The following ANKAR variants were observed in gnomAD, a reference collection of about 807,000 sequenced individuals.
ANKAR encodes the protein ankyrin and armadillo repeat-containing protein.
Under a neutral mutation model 146.2 loss-of-function variants are expected in ANKAR, and 136 were observed. The ratio of observed to expected loss-of-function variants is 0.93; its 90% CI spans 0.81 to 1.07. The LOEUF is 1.07. ANKAR is among the 50% of genes least tolerant of loss of function. The pLI, the probability that ANKAR is intolerant of heterozygous loss-of-function variation, is 0.00. For missense variants in ANKAR, 1,567 were observed against 1,679.9 expected (o/e 0.93, Z 1.18); for synonymous variants, 500 against 575.8 (o/e 0.87, Z 1.88).
At chr2:189,731,376 C>CTTTT (rs71023714) in intron 16 of ANKAR, among the ~76,000 whole-genome samples, 4 of 137,388 alleles carry the variant, frequency 2.9e-5, no homozygotes, top group African/African-American at 5.4e-5. Flanking sequence ...TTTCTTTTTT[C>CTTTT]TTTTTTTTTT....
Position 189,713,054 on chromosome 2 carries a change from C to T in ANKAR, c.2224+1901C>T, listed in dbSNP as rs187038366. ...TGAAGATCAAATTAATGAAATAAAG[C>T]GAGAAGTTTAGAGAAAAAAGAGTAA... is the stretch of plus-strand genomic sequence containing the variant. On this transcript the variant is annotated intron_variant, in intron 10 of 22. Transcript: ENST00000684021. 9.2e-4 allele frequency among the ~76,000 whole-genome samples: 138 copies of T among 150,802 alleles called. 2 individuals are homozygous for T. The highest frequency in any genetic ancestry group is 6.3e-3 in the Admixed American group (96 of 15,140).
chr2:189,716,168 A>G (rs944249075), intron 10 of ANKAR, among the ~76,000 whole-genome samples: 1 of 152,244 alleles, frequency 6.6e-6, no homozygotes, highest in Non-Finnish European at 1.5e-5. Context: ...TGCAGATGAC[A>G]TGATTGTATA....
Position 189,707,143 on chromosome 2 carries a change from GT to G in ANKAR, c.2117del (p.Val706GlufsTer13). 3 of 1,497,904 alleles carry G rather than the reference GT, an allele frequency of 2.0e-6. No homozygotes were observed. Among genetic ancestry groups the G allele is most frequent in the Non-Finnish European group, 1.8e-6 (2 of 1,113,984 alleles). The allele number at this position is 1,497,904 out of a possible 1,614,324, so 92.8% of individuals were successfully genotyped here. ...TGAACTCCCAGTGTGGAAAACTTTG[GT>G]AGGTGAGTATAATCTCTTTATAAAT... ...IPELPVWKTL[V>X]EMLQCESYKR... On this transcript the variant is annotated frameshift_variant and splice_region_variant, in exon 9 of 23. Transcript: ENST00000684021. LOFTEE classifies it high-confidence loss of function.
At chr2:189,686,257 A>G (rs373369605) in intron 2 of ANKAR, among the ~76,000 whole-genome samples, 2 of 152,242 alleles carry the variant, frequency 1.3e-5, no homozygotes, top group Non-Finnish European at 2.9e-5. Context: ...ATACATTGAC[A>G]TATCATTTAC....
intron 7 of ANKAR, among the ~76,000 whole-genome samples, chr2:189,700,873 T>G (rs186241775): frequency 3.3e-5 from 5 of 152,372 alleles, no homozygotes; most frequent in African/African-American, 1.2e-4. Flanking sequence ...CTCATTCTTT[T>G]TCATGGCTGA....
chr2:189,742,816 G>A lies in ANKAR; in HGVS notation c.3811-459G>A, dbSNP rs1265464798. Among the ~76,000 whole-genome samples, 6 of 139,888 alleles carry A rather than the reference G, an allele frequency of 4.3e-5. No individual in the cohort carries two copies. In the Admixed American group the frequency reaches 4.5e-4, roughly 11 times the overall value. 91.8% of individuals were successfully genotyped at this position (139,888 alleles called of 152,430 possible). On this transcript the variant is annotated intron_variant, in intron 20 of 22. Transcript: ENST00000684021. The stretch of plus-strand genomic sequence containing the variant: ...TCAAACTCAAGTTCTTTCTTTGGTG[G>A]CACATTAGAATTACCTGACACACAC...
At chr2:189,708,211 T>G (rs1180534544) in intron 9 of ANKAR, among the ~76,000 whole-genome samples, 1 of 152,230 alleles carries the variant, frequency 6.6e-6, no homozygotes, top group East Asian at 1.9e-4. Context: ...CAGTCTTCCC[T>G]TCTCAGCAGT....
chr2:189,682,585 T>C (rs953235470), intron 2 of ANKAR, among the ~76,000 whole-genome samples: 3 of 152,198 alleles, frequency 2.0e-5, no homozygotes, highest in African/African-American at 7.2e-5. Flanking sequence ...GAAAGGGACC[T>C]GAACCATTGG....
intron 5 of ANKAR, 37 bp from the exon 6 acceptor site, chr2:189,694,944 G>T (rs1308863462): frequency 7.5e-7 from 1 of 1,325,392 alleles, no homozygotes; most frequent in Non-Finnish European, 9.9e-7. Flanking sequence ...TCACTTCAAA[G>T]TTAGAGAAAC....
intron 22 of ANKAR, 86 bp downstream of exon 22, chr2:189,744,874 T>A: frequency 9.1e-7 from 1 of 1,099,526 alleles, no homozygotes; most frequent in Non-Finnish European, 1.3e-6. Context: ...ATTCAAAATG[T>A]AGGCCGGGCA....
At chr2:189,714,966 A>AAAAG (rs2040232677) in intron 10 of ANKAR, among the ~76,000 whole-genome samples, 1 of 123,854 alleles carries the variant, frequency 8.1e-6, no homozygotes, top group African/African-American at 3.1e-5. Flanking sequence ...AAAAAAAAAA[A>AAAAG]AGAGAGAGAG....
At chr2:189,713,078 A>G (rs2105728604) in intron 10 of ANKAR, among the ~76,000 whole-genome samples, 1 of 152,322 alleles carries the variant, frequency 6.6e-6, no homozygotes, top group East Asian at 1.9e-4. Flanking sequence ...AAAAAAGAGT[A>G]AGAAGAAATG....
chr2:189,733,041 G>A, intron 16 of ANKAR, 66 bp from the exon 17 acceptor site: 1 of 1,472,078 alleles, frequency 6.8e-7, no homozygotes, highest in South Asian at 1.4e-5. Context: ...ATAAATGCCT[G>A]CACAATGAAA....
In ANKAR at chr2:189,693,085, A is replaced by G. The variant is rs753289718; in HGVS notation, c.1215A>G (p.Glu405=). Residue 405 remains glutamate (E), a synonymous_variant, in exon 5 of 23, where the codon GAA becomes GAG. Coordinates refer to ENST00000684021, the MANE Select transcript of ANKAR (RefSeq NM_001378068.1). The stretch of plus-strand genomic sequence containing the variant: ...AACTCATATTTTAGAAAAATTTAGA[A>G]AAAATACGAGATTGTGCTGCTAATA... The part of the protein sequence containing the change: ...NALEDFQKNL[E]KIRDCAANTF... 15 of 1,513,892 alleles carry G rather than the reference A, an allele frequency of 9.9e-6. No homozygotes were observed. In the Admixed American group the frequency reaches 3.0e-4, roughly 31 times the overall value. The allele number at this position is 1,513,892 out of a possible 1,614,324, so 93.8% of individuals were successfully genotyped here.
At chr2:189,729,361 G>T (rs567758221) in intron 15 of ANKAR, among the ~76,000 whole-genome samples, 1 of 152,140 alleles carries the variant, frequency 6.6e-6, no homozygotes. Context: ...ATTGTAGACT[G>T]CTTCTTGCAA....
chr2:189,745,190 C>CA (rs527874516), intron 22 of ANKAR, among the ~76,000 whole-genome samples: 51 of 146,116 alleles, frequency 3.5e-4, no homozygotes, highest in Middle Eastern at 3.6e-3. Flanking sequence ...GACTCTGTCT[C>CA]AAAAAAAAAA....
At chr2:189,714,061 ACTAT>A in intron 10 of ANKAR, among the ~76,000 whole-genome samples, 1 of 152,200 alleles carries the variant, frequency 6.6e-6, no homozygotes, top group Non-Finnish European at 1.5e-5. Context: ...AGAAGAACTA[ACTAT>A]CCTAAATATA....
At chr2:189,736,314 G>A (rs764222668) in intron 17 of ANKAR, among the ~76,000 whole-genome samples, 36 of 151,992 alleles carry the variant, frequency 2.4e-4, no homozygotes, top group Non-Finnish European at 4.1e-4. Context: ...CTCTCACTTC[G>A]CTCTATCTGA....
At chr2:189,735,264 A>T (rs1229243932) in intron 17 of ANKAR, among the ~76,000 whole-genome samples, 1 of 152,062 alleles carries the variant, frequency 6.6e-6, no homozygotes, top group East Asian at 1.9e-4. Context: ...CTTATAATAG[A>T]TTTATTCTTG....
Sources: allele counts gnomAD v4.1 joint callset (sites outside exome capture counted in the v4.1 genomes callset), GRCh38; gene constraint gnomAD v4.1.1; transcripts MANE v1.5; gene names NCBI Gene and HGNC (gene_info 2026-07-23, HGNC 2026-07-21).